CAMTA1: variants seen among roughly 807,000 people sequenced by gnomAD.
CAMTA1 encodes calmodulin binding transcription activator 1.
Under a neutral mutation model 170.9 loss-of-function variants are expected in CAMTA1, and 27 were observed. The observed-to-expected ratio is 0.16, with a 90% CI of 0.12 to 0.22. The LOEUF (loss-of-function observed/expected upper bound fraction) is 0.22, where lower values mean the gene tolerates loss of function less well. CAMTA1 is among the 10% of genes least tolerant of loss of function. The probability of loss-of-function intolerance (pLI) is 1.00; values close to 1 mark genes in which losing one functional copy is unlikely to be tolerated. For missense variants in CAMTA1, 1,619 were observed against 2,217.2 expected (o/e 0.73, Z 5.42); for synonymous variants, 833 against 891.5 (o/e 0.93, Z 1.17).
chr1:7,045,340 C>T (rs80325623), intron 3 of CAMTA1, among the ~76,000 whole-genome samples: 1 of 152,142 alleles, frequency 6.6e-6, no homozygotes, highest in Non-Finnish European at 1.5e-5. Context: ...GCCACACCTG[C>T]CCGTCTGGCC....
At chr1:7,424,377 C>A (rs955494193) in intron 5 of CAMTA1, among the ~76,000 whole-genome samples, 1 of 141,616 alleles carries the variant, frequency 7.1e-6, no homozygotes, top group African/African-American at 2.6e-5. Context: ...TTGGAAATAT[C>A]ATTTTGTATT....
At chr1:6,875,324 G>T (rs976907692) in intron 3 of CAMTA1, among the ~76,000 whole-genome samples, 13 of 151,952 alleles carry the variant, frequency 8.6e-5, no homozygotes, top group South Asian at 6.2e-4. Context: ...ATGGAGTCTC[G>T]CACTGTCACC....
chr1:7,213,360 A>G (rs910949764), intron 4 of CAMTA1, among the ~76,000 whole-genome samples: 1 of 152,206 alleles, frequency 6.6e-6, no homozygotes, highest in African/African-American at 2.4e-5. Context: ...CTAATTGGCT[A>G]ATGATGTTGA....
intron 3 of CAMTA1, among the ~76,000 whole-genome samples, chr1:6,936,714 C>T (rs1477995598): frequency 1.3e-5 from 2 of 152,106 alleles, no homozygotes; most frequent in African/African-American, 4.8e-5. Context: ...GAGGGTGGGG[C>T]GTGGTGACTC....
chr1:7,222,781 G>T (rs1661027236), intron 4 of CAMTA1, among the ~76,000 whole-genome samples: 1 of 152,230 alleles, frequency 6.6e-6, no homozygotes, highest in Non-Finnish European at 1.5e-5. Flanking sequence ...GAGAGAGCTT[G>T]GGTCAGGCCC....
At chr1:7,241,975 C>T (rs1574137588) in intron 4 of CAMTA1, among the ~76,000 whole-genome samples, 1 of 147,880 alleles carries the variant, frequency 6.8e-6, no homozygotes, top group African/African-American at 2.6e-5. Flanking sequence ...AATTTTTACT[C>T]TTTTAAAGAA....
intron 5 of CAMTA1, among the ~76,000 whole-genome samples, chr1:7,331,431 C>G (rs1438632488): frequency 6.6e-6 from 1 of 152,188 alleles, no homozygotes; most frequent in Admixed American, 6.5e-5. Context: ...TTATTGCATT[C>G]TTTTGATTAT....
intron 5 of CAMTA1, among the ~76,000 whole-genome samples, chr1:7,338,599 G>C (rs148482769): frequency 1.3e-5 from 2 of 152,196 alleles, no homozygotes; most frequent in Non-Finnish European, 2.9e-5. Flanking sequence ...CCCTCATGGA[G>C]TGCACATGGG....
chr1:7,723,064 G>A (rs1022163899), intron 11 of CAMTA1, among the ~76,000 whole-genome samples: 1 of 151,942 alleles, frequency 6.6e-6, no homozygotes, highest in African/African-American at 2.4e-5. Context: ...CTTTCCCATC[G>A]AGAAGGCCTA....
chr1:6,883,554 A>T (rs187606174), intron 3 of CAMTA1, among the ~76,000 whole-genome samples: 33 of 152,180 alleles, frequency 2.2e-4, no homozygotes, highest in Non-Finnish European at 3.5e-4. Context: ...AGAAGAATCG[A>T]TGTGAGGATT....
intron 4 of CAMTA1, among the ~76,000 whole-genome samples, chr1:7,223,047 C>G (rs1021684141): frequency 5.0e-4 from 76 of 152,366 alleles, no homozygotes; most frequent in Non-Finnish European, 4.4e-5. Context: ...CCCTTGATGA[C>G]CAACGCTCTT....
At chr1:7,082,989 A>T (rs1640235661) in intron 3 of CAMTA1, among the ~76,000 whole-genome samples, 1 of 152,186 alleles carries the variant, frequency 6.6e-6, no homozygotes, top group South Asian at 2.1e-4. Context: ...AGTGCCTGGC[A>T]TATTGTAGGT....
intron 4 of CAMTA1, among the ~76,000 whole-genome samples, chr1:7,095,265 C>T (rs1301575024): frequency 6.6e-6 from 1 of 152,164 alleles, no homozygotes; most frequent in Non-Finnish European, 1.5e-5. Context: ...GTGGACACCT[C>T]CCAGACCCTC....
At chr1:6,905,188 C>CTT (rs34960802) in intron 3 of CAMTA1, among the ~76,000 whole-genome samples, 10,920 of 109,710 alleles carry the variant, frequency 0.1, 631 homozygotes, top group East Asian at 0.2. Flanking sequence ...TGCCTTGTTC[C>CTT]TTTTTTTTTT....
chr1:6,838,354 A>G (rs1654145579), intron 3 of CAMTA1, among the ~76,000 whole-genome samples: 1 of 152,174 alleles, frequency 6.6e-6, no homozygotes, highest in South Asian at 2.1e-4. Context: ...TTGGTTCTTA[A>G]TCTCAGACTC....
rs561156708 is a variant in CAMTA1, at chr1:7,633,657, A to G, written c.511-6743A>G. Among the ~76,000 whole-genome samples the G allele has an allele frequency of 6.6e-5, 10 of 152,278 alleles. No homozygotes were observed. In the South Asian group the frequency reaches 1.9e-3, roughly 28 times the overall value. The stretch of plus-strand genomic sequence containing the variant: ...GCAGGCTTGTTGGCCCGTGTGCTGG[A>G]GCAGCTTGGCGGCACCCCGCTATGC... On this transcript the variant is annotated intron_variant, in intron 6 of 22. Coordinates refer to ENST00000303635, the MANE Select transcript of CAMTA1 (RefSeq NM_015215.4). This position sits in a 1 kb window ranked among gnomAD's most constrained non-coding sequence, Gnocchi z 4.1.
chr1:7,433,201 C>T (rs1453570352), intron 5 of CAMTA1, among the ~76,000 whole-genome samples: 1 of 152,238 alleles, frequency 6.6e-6, no homozygotes, highest in Non-Finnish European at 1.5e-5. Context: ...GCTGCCCTAG[C>T]AGGCTGGTGT....
At chr1:6,834,204 G>C (rs377548005) in intron 3 of CAMTA1, 1 of 139,346 alleles carries the variant, frequency 7.2e-6, no homozygotes, top group East Asian at 2.1e-4. Context: ...CTTTTAAGTT[G>C]TACAATTCAG....
rs148983915 is a variant in CAMTA1, at chr1:6,952,696, T to G, written c.234+127486T>G. On this transcript the variant is annotated intron_variant, in intron 3 of 22. Coordinates refer to ENST00000303635, the MANE Select transcript of CAMTA1 (RefSeq NM_015215.4). ...AAAAAATACAAAAATTAGCCAGGTG[T>G]GGTGACGGGCATCTGTAATCCCAGC... 6.6e-3 allele frequency among the ~76,000 whole-genome samples: 1,008 copies of G among 151,896 alleles called. 8 individuals carry two copies. Among genetic ancestry groups the G allele is most frequent in the African/African-American group, 0.023 (945 of 41,410 alleles).
Sources: gnomAD v4.1 joint callset for allele counts (sites outside exome capture counted in the v4.1 genomes callset) on GRCh38, gnomAD v4.1.1 for gene constraint, Gnocchi (gnomAD v3.1) non-coding constraint, MANE v1.5 for transcripts, NCBI Gene and HGNC (gene_info 2026-07-23, HGNC 2026-07-21) for gene names.